The following DROSHA variants were observed in gnomAD, a reference collection of about 807,000 sequenced individuals.
DROSHA encodes the protein ribonuclease 3.
DROSHA carries 56 observed loss-of-function variants against 181.9 expected under a neutral mutation model. The ratio of observed to expected loss-of-function variants is 0.31; its 90% confidence interval spans 0.25 to 0.38. The LOEUF is 0.38. Ranked by LOEUF, DROSHA falls within the 10% of genes least tolerant of loss-of-function variation. The pLI is 1.00. For synonymous variants in DROSHA, 524 were observed against 591.2 expected (o/e 0.89, Z 1.65); for missense variants, 1,218 against 1,743.5 (o/e 0.70, Z 5.37).
intron 20 of DROSHA, among the ~76,000 whole-genome samples, chr5:31,462,643 G>GA (rs397883162): frequency 0.72 from 97,809 of 135,666 alleles, 33,551 homozygotes; most frequent in African/African-American, 0.77. Context: ...TTCACAAAAA[G>GA]AAAAAAAAAG....
chr5:31,459,270 C>G (rs1748069374), intron 20 of DROSHA, among the ~76,000 whole-genome samples: 1 of 151,934 alleles, frequency 6.6e-6, no homozygotes, highest in Admixed American at 6.6e-5. Flanking sequence ...TGACATGCAC[C>G]TGTAGTTCCA....
intron 20 of DROSHA, among the ~76,000 whole-genome samples, chr5:31,460,410 G>A (rs496493): frequency 0.7 from 105,840 of 152,026 alleles, 37,208 homozygotes; most frequent in African/African-American, 0.75. Context: ...ATCCTTGGTA[G>A]CTTCTCTGGT....
chr5:31,418,303 G>A lies in DROSHA; in HGVS notation c.3525+2969C>T, dbSNP rs540003302. On this transcript the variant is annotated intron_variant, in intron 30 of 35. Transcript: ENST00000344624. Reference sequence around the variant, plus strand: ...AGACACAGAGAGAGAGAGAGACAGAGAGAGGAGAGTCTTGCTCTGTTGCCC... The same window carrying A: ...AGACACAGAGAGAGAGAGAGACAGAAAGAGGAGAGTCTTGCTCTGTTGCCC... Among the ~76,000 whole-genome samples the A allele has an allele frequency of 2.6e-4, 40 of 152,258 alleles. No individual in the cohort carries two copies. In the East Asian group the frequency reaches 6.0e-3, roughly 23 times the overall value.
intron 20 of DROSHA, among the ~76,000 whole-genome samples, chr5:31,456,463 T>TACACATACAC (rs1747667631): frequency 1.4e-5 from 2 of 146,538 alleles, no homozygotes; most frequent in Non-Finnish European, 3.0e-5. Context: ...GACAACAAGA[T>TACACATACAC]ACACACACAC....
chr5:31,495,029 A>G (rs1429316409), intron 12 of DROSHA, among the ~76,000 whole-genome samples: 2 of 152,182 alleles, frequency 1.3e-5, no homozygotes, highest in Non-Finnish European at 2.9e-5. Context: ...TTCCCACTCC[A>G]TAGCTCCAAC....
At chr5:31,505,104 CAGA>C (rs1358201376) in intron 10 of DROSHA, among the ~76,000 whole-genome samples, 1 of 152,140 alleles carries the variant, frequency 6.6e-6, no homozygotes, top group African/African-American at 2.4e-5. Context: ...CTACTAAAGC[CAGA>C]AGAACTTCCC....
At chr5:31,520,085 C>G (rs1338075238) in intron 6 of DROSHA, among the ~76,000 whole-genome samples, 1 of 151,900 alleles carries the variant, frequency 6.6e-6, no homozygotes, top group African/African-American at 2.4e-5. Context: ...CACTTTAAAG[C>G]TTTTTTTAGA....
At chr5:31,404,084 A>ATT (rs57056439) in intron 35 of DROSHA, among the ~76,000 whole-genome samples, 19 of 144,546 alleles carry the variant, frequency 1.3e-4, no homozygotes, top group Non-Finnish European at 2.6e-4. Context: ...AGCCTGGCTA[A>ATT]TTTTTTTTTT....
rs531472403 is a variant in DROSHA at position 31,485,864 on chromosome 5, C to T, written c.1914+627G>A. Among the ~76,000 whole-genome samples, 242 of 152,182 alleles carry T rather than the reference C, an allele frequency of 1.6e-3. 1 individual carries two copies. The highest frequency in any genetic ancestry group is 3.4e-3 in the Middle Eastern group (1 of 294). Reference sequence around the variant, plus strand: ...AGAGCCAGGGGCTCCGGAAATTGACCCTGACTCCAACACAATGTTAAGTGC... The same window carrying T: ...AGAGCCAGGGGCTCCGGAAATTGACTCTGACTCCAACACAATGTTAAGTGC... On this transcript the variant is annotated intron_variant, in intron 14 of 35. Transcript: ENST00000344624.
Position 31,451,608 on chromosome 5 carries a change from A to G in DROSHA, c.2607T>C (p.His869=). 1 of 1,612,850 alleles carries G rather than the reference A, an allele frequency of 6.2e-7. No individual in the cohort carries two copies. Among genetic ancestry groups the G allele is most frequent in the Non-Finnish European group, 8.5e-7 (1 of 1,179,392 alleles). ...HAMMLPVLTH[H]IRYHQCLMHL... ...GCATTAGGCATTGGTGGTAGCGGAT[A>G]TGATGGGTCAGAACAGGTAGCATCA... Residue 869 remains histidine (H), a synonymous_variant, in exon 21 of 36, where the codon CAT becomes CAC. Coordinates refer to ENST00000344624, the MANE Select transcript of DROSHA (RefSeq NM_001382508.1).
intron 30 of DROSHA, among the ~76,000 whole-genome samples, chr5:31,413,345 G>A (rs746592865): frequency 3.9e-5 from 6 of 152,150 alleles, no homozygotes; most frequent in Admixed American, 1.3e-4. Context: ...TATTCTCATC[G>A]TCAGTTTAAA....
Position 31,449,187 on chromosome 5 carries a change from T to C in DROSHA, c.2821+94A>G, listed in dbSNP as rs955680816. The stretch of plus-strand genomic sequence containing the variant: ...ACTAGAATATGAGACGGTGAAAGAG[T>C]CACCCAGGGAACCATTCCTAGAGGC... On this transcript the variant is annotated intron_variant, in intron 22 of 35. Transcript: ENST00000344624. The C allele has an allele frequency of 9.1e-5, 133 of 1,455,346 alleles. 1 individual carries two copies. The East Asian group carries it at 3.2e-3, about 35-fold the overall frequency. 90.2% of individuals were successfully genotyped at this position (1,455,346 alleles called of 1,614,324 possible).
chr5:31,508,545 G>A, intron 10 of DROSHA, 76 bp downstream of exon 10: 7 of 1,591,780 alleles, frequency 4.4e-6, no homozygotes, highest in East Asian at 2.2e-5. Flanking sequence ...TAGGCAACAT[G>A]TATCTTCTGA....
intron 13 of DROSHA, among the ~76,000 whole-genome samples, chr5:31,489,270 C>A (rs1046683267): frequency 2.6e-5 from 4 of 152,176 alleles, no homozygotes; most frequent in Non-Finnish European, 4.4e-5. Flanking sequence ...TTCTTCCTTG[C>A]TATCATAGGA....
intron 27 of DROSHA, among the ~76,000 whole-genome samples, chr5:31,425,779 T>G (rs1384059177): frequency 6.6e-6 from 1 of 152,150 alleles, no homozygotes. Context: ...ACGGCAGGCT[T>G]AGGAGTCAGG....
At chr5:31,416,533 C>G (rs7737688) in intron 30 of DROSHA, among the ~76,000 whole-genome samples, 6,104 of 151,892 alleles carry the variant, frequency 0.04, 413 homozygotes, top group African/African-American at 0.14. Context: ...AATTTTGATG[C>G]GGGGGCGGGA....
At chr5:31,490,453 T>G (rs187070827) in intron 13 of DROSHA, among the ~76,000 whole-genome samples, 40 of 152,318 alleles carry the variant, frequency 2.6e-4, no homozygotes, top group Admixed American at 1.5e-3. Flanking sequence ...ATTACAGGTG[T>G]GAGCCACTGC....
rs559744145 is a variant in DROSHA at position 31,469,336 on chromosome 5, A to T, written c.2242-1273T>A. On this transcript the variant is annotated intron_variant, in intron 17 of 35. Transcript: ENST00000344624. ...CGCACCACTGTGCTCCAGCCTGGGCAACAGAGTGAGACTCTGTCTCAAAAA... is the reference window on the plus strand; with the variant it reads ...CGCACCACTGTGCTCCAGCCTGGGCTACAGAGTGAGACTCTGTCTCAAAAA... Among the ~76,000 whole-genome samples, 5 of 152,224 alleles carry T rather than the reference A, an allele frequency of 3.3e-5. No homozygotes were observed. The South Asian group carries it at 1.0e-3, about 32-fold the overall frequency.
intron 23 of DROSHA, among the ~76,000 whole-genome samples, chr5:31,447,579 C>T (rs1279457209): frequency 3.3e-5 from 5 of 152,090 alleles, no homozygotes; most frequent in South Asian, 2.1e-4. Context: ...AGACAATTCA[C>T]AGAATGAAAA....
Sources: allele counts gnomAD v4.1 joint callset (sites outside exome capture counted in the v4.1 genomes callset), GRCh38; gene constraint gnomAD v4.1.1; transcripts MANE v1.5; gene names NCBI Gene and HGNC (gene_info 2026-07-23, HGNC 2026-07-21).